The following TWSG1 variants were observed in gnomAD, a reference collection of about 807,000 sequenced individuals.
TWSG1 encodes twisted gastrulation protein homolog 1.
In TWSG1, 15 loss-of-function variants were observed where a neutral mutation model predicts 23.0. The ratio of observed to expected loss-of-function variants is 0.65; its 90% CI spans 0.44 to 1.00. TWSG1 has a LOEUF of 1.00. TWSG1 is among the 50% of genes least tolerant of loss of function. The pLI is 0.00. For synonymous variants in TWSG1, 86 were observed against 92.8 expected (o/e 0.93, Z 0.42); for missense variants, 242 against 278.7 (o/e 0.87, Z 0.94).
intron 2 of TWSG1, among the ~76,000 whole-genome samples, chr18:9,354,481 C>T (rs561259824): frequency 4.4e-4 from 67 of 152,256 alleles, no homozygotes; most frequent in African/African-American, 1.5e-3. Flanking sequence ...ATAAATAACC[C>T]AGTCCAAAGA....
At chr18:9,336,389 C>A in intron 1 of TWSG1, among the ~76,000 whole-genome samples, 1 of 146,442 alleles carries the variant, frequency 6.8e-6, no homozygotes, top group Non-Finnish European at 1.5e-5. Context: ...GAGACAACGT[C>A]TAAAAGAAAA....
chr18:9,342,131 G>T (rs2040448997), intron 2 of TWSG1, among the ~76,000 whole-genome samples: 1 of 152,170 alleles, frequency 6.6e-6, no homozygotes, highest in Non-Finnish European at 1.5e-5. Flanking sequence ...ATTCTGAGAG[G>T]CTGCATAGTA....
At chr18:9,365,499 T>C (rs1417386702) in intron 3 of TWSG1, among the ~76,000 whole-genome samples, 1 of 151,788 alleles carries the variant, frequency 6.6e-6, no homozygotes, top group East Asian at 1.9e-4. Context: ...AAACCCCGTC[T>C]CTACAAAAAA....
intron 2 of TWSG1, among the ~76,000 whole-genome samples, chr18:9,349,128 AGTTATCCTGTTTCAG>A (rs2040490238): frequency 6.6e-6 from 1 of 152,202 alleles, no homozygotes; most frequent in Admixed American, 6.5e-5. Flanking sequence ...TGAGGGGTTT[AGTTATCCTGTTTCAG>A]GAAAAAAAAA....
chr18:9,377,357 T>C (rs1446005309), intron 3 of TWSG1, among the ~76,000 whole-genome samples: 1 of 152,014 alleles, frequency 6.6e-6, no homozygotes, highest in Non-Finnish European at 1.5e-5. Context: ...TAGCTGGGAT[T>C]ACAGGCATGA....
intron 3 of TWSG1, among the ~76,000 whole-genome samples, chr18:9,367,292 G>A (rs1189589448): frequency 6.6e-6 from 1 of 152,068 alleles, no homozygotes; most frequent in Admixed American, 6.6e-5. Context: ...GTACAATAGA[G>A]CTCTTGAATT....
intron 2 of TWSG1, among the ~76,000 whole-genome samples, chr18:9,339,044 G>GT (rs1452072155): frequency 1.3e-5 from 2 of 151,724 alleles, no homozygotes; most frequent in Non-Finnish European, 2.9e-5. Flanking sequence ...ACAACAAATA[G>GT]TTTTTTTAAA....
At chr18:9,373,105 A>G (rs908060979) in intron 3 of TWSG1, among the ~76,000 whole-genome samples, 5 of 152,216 alleles carry the variant, frequency 3.3e-5, no homozygotes, top group African/African-American at 9.7e-5. Context: ...GAGAACAGCT[A>G]TATTAATTTC....
In TWSG1 at chr18:9,367,546, C is replaced by T. The variant is rs7244315; in HGVS notation, c.223+7475C>T. ...CCTGAGCCATGGACCAGTAGCAGTC[C>T]GCCGCCTCTTAGGAACCGGGCCACA... On this transcript the variant is annotated intron_variant, in intron 3 of 4. Coordinates refer to ENST00000262120, the MANE Select transcript of TWSG1 (RefSeq NM_020648.6). Among the ~76,000 whole-genome samples, 984 of 152,190 alleles carry T rather than the reference C, an allele frequency of 6.5e-3. 6 individuals carry two copies. Among genetic ancestry groups the T allele is most frequent in the African/African-American group, 0.022 (901 of 41,508 alleles).
At chr18:9,359,901 T>C (rs566704748) in intron 2 of TWSG1, 71 bp from the exon 3 acceptor site, 668 of 1,249,902 alleles carry the variant, frequency 5.3e-4, no homozygotes, top group Non-Finnish European at 7.3e-4. Context: ...GGCAGGGTTT[T>C]TTGCTTAAAA....
intron 3 of TWSG1, among the ~76,000 whole-genome samples, chr18:9,365,987 C>T (rs1257213961): frequency 6.6e-6 from 1 of 152,170 alleles, no homozygotes; most frequent in East Asian, 1.9e-4. Flanking sequence ...GCCTGGGTGA[C>T]AGATCAAGAC....
chr18:9,350,160 C>T lies in TWSG1; in HGVS notation c.124-9812C>T, dbSNP rs529263970. On this transcript the variant is annotated intron_variant, in intron 2 of 4. Transcript: ENST00000262120. ...ATCTCAAAAAAAAAAAAAGTTGTGG[C>T]GCTAACCTATTTTTGTCCTGTTTTG... Among the ~76,000 whole-genome samples, 15 of 151,736 alleles carry T rather than the reference C, an allele frequency of 9.9e-5. No individual in the cohort carries two copies. The South Asian group carries it at 1.5e-3, about 15-fold the overall frequency.
chr18:9,391,425 G>C (rs1365529263), intron 3 of TWSG1, among the ~76,000 whole-genome samples: 2 of 152,134 alleles, frequency 1.3e-5, no homozygotes, highest in Non-Finnish European at 2.9e-5. Context: ...ATGGCATCTA[G>C]AATAGTGAAT....
rs758891489 is a variant in TWSG1 at position 9,371,297 on chromosome 18, CT to C, written c.223+11243del. ...CTGATTTAAAGGATTTTAGAAATCA[CT>C]TTTTTTTTTTTTTTTTGAGATGGAG... On this transcript the variant is annotated intron_variant, in intron 3 of 4. Transcript: ENST00000262120. 8.5e-3 allele frequency among the ~76,000 whole-genome samples: 1,174 copies of C among 138,394 alleles called. 8 individuals carry two copies. The highest frequency in any genetic ancestry group is 0.021 in the African/African-American group (784 of 37,676). The allele number at this position is 138,394 out of a possible 152,430, so 90.8% of individuals were successfully genotyped here.
chr18:9,385,995 C>G (rs2040681519), intron 3 of TWSG1, among the ~76,000 whole-genome samples: 1 of 151,542 alleles, frequency 6.6e-6, no homozygotes, highest in Admixed American at 6.6e-5. Flanking sequence ...ATGGCGAAAC[C>G]CCAACTCTAC....
intron 2 of TWSG1, among the ~76,000 whole-genome samples, chr18:9,357,962 T>G (rs1420127670): frequency 1.3e-5 from 2 of 152,166 alleles, no homozygotes; most frequent in Non-Finnish European, 2.9e-5. Flanking sequence ...GTATTTGATC[T>G]AAAATGAGGA....
chr18:9,381,496 T>C (rs952870540), intron 3 of TWSG1, among the ~76,000 whole-genome samples: 1 of 152,218 alleles, frequency 6.6e-6, no homozygotes, highest in Non-Finnish European at 1.5e-5. Flanking sequence ...ACTCATGAAG[T>C]AATAATTTTG....
intron 3 of TWSG1, among the ~76,000 whole-genome samples, chr18:9,391,783 C>G (rs1171039561): frequency 6.6e-6 from 1 of 150,422 alleles, no homozygotes; most frequent in African/African-American, 2.4e-5. Context: ...TGAAATGACT[C>G]TCTCAACCTT....
chr18:9,392,349 AT>A (rs1338702004), intron 3 of TWSG1, among the ~76,000 whole-genome samples: 47 of 152,236 alleles, frequency 3.1e-4, no homozygotes, highest in Admixed American at 2.6e-4. Context: ...CTTTTATGTT[AT>A]AGAGATGGCT....
Sources: gnomAD v4.1 joint callset for allele counts (sites outside exome capture counted in the v4.1 genomes callset) on GRCh38, gnomAD v4.1.1 for gene constraint, MANE v1.5 for transcripts, NCBI Gene and HGNC (gene_info 2026-07-23, HGNC 2026-07-21) for gene names.